ENPP3: variants seen among roughly 807,000 people sequenced by gnomAD.
The protein encoded by ENPP3 is ectonucleotide pyrophosphatase/phosphodiesterase 3.
Under a neutral mutation model 117.8 loss-of-function variants are expected in ENPP3, and 104 were observed. That is an observed-to-expected ratio of 0.88 (90% CI 0.75 to 1.04). ENPP3 has a LOEUF of 1.04. Ranked by LOEUF, ENPP3 falls within the 50% of genes least tolerant of loss-of-function variation. The pLI is 0.00. For missense variants in ENPP3, 1,026 were observed against 1,051.9 expected, an observed-to-expected ratio of 0.98 and a Z score of 0.34; for synonymous variants, 380 against 349.9, an observed-to-expected ratio of 1.09 and a Z score of -0.96.
chr6:131,641,198 T>C (rs1481833098), intron 1 of ENPP3, among the ~76,000 whole-genome samples: 1 of 152,220 alleles, frequency 6.6e-6, no homozygotes, highest in South Asian at 2.1e-4. Context: ...TGCATTTGAA[T>C]GGTAAATGTG....
chr6:131,745,924 C>T (rs1362450759), intron 24 of ENPP3, among the ~76,000 whole-genome samples: 1 of 151,946 alleles, frequency 6.6e-6, no homozygotes, highest in Non-Finnish European at 1.5e-5. Flanking sequence ...TTTAAGACCA[C>T]CCTGGCCAAC....
intron 11 of ENPP3, among the ~76,000 whole-genome samples, chr6:131,681,333 G>T (rs1229750915): frequency 1.3e-5 from 2 of 152,096 alleles, no homozygotes; most frequent in Non-Finnish European, 2.9e-5. Context: ...CACTTTCCAT[G>T]AATATTTGCT....
chr6:131,680,225 T>C (rs1778995429), intron 11 of ENPP3, among the ~76,000 whole-genome samples: 1 of 152,094 alleles, frequency 6.6e-6, no homozygotes, highest in Admixed American at 6.6e-5. Context: ...TGGAAGAAGA[T>C]ATAACTGAGA....
Position 131,678,202 on chromosome 6 carries a change from A to G in ENPP3, c.1011+262A>G, listed in dbSNP as rs1778913056. Among the ~76,000 whole-genome samples, 2 of 152,210 alleles carry G rather than the reference A, an allele frequency of 1.3e-5. 1 individual carries two copies. The highest frequency in any genetic ancestry group is 4.1e-4 in the South Asian group (2 of 4,834). Reference sequence around the variant, plus strand: ...TTGAAAAGCCCTCATTGAATATTAGATGTGGCACTGTTGTTGCATATAATG... The same window carrying G: ...TTGAAAAGCCCTCATTGAATATTAGGTGTGGCACTGTTGTTGCATATAATG... On this transcript the variant is annotated intron_variant, in intron 11 of 24. Transcript: ENST00000357639.
At chr6:131,696,773 T>C (rs1334015718) in intron 15 of ENPP3, among the ~76,000 whole-genome samples, 1 of 150,498 alleles carries the variant, frequency 6.6e-6, no homozygotes, top group Non-Finnish European at 1.5e-5. Flanking sequence ...GAGCACCTTT[T>C]TTTTTTTTTT....
At chr6:131,675,416 C>T (rs1202867893) in intron 9 of ENPP3, 2 of 464,252 alleles carry the variant, frequency 4.3e-6, no homozygotes, top group Non-Finnish European at 7.8e-6. Flanking sequence ...TCTAGCATTA[C>T]CACTCTGGTT....
chr6:131,689,022 C>T lies in ENPP3; in HGVS notation c.1284+3115C>T, dbSNP rs148440287. ...CGGAGGTTGCAGTGAGCTGAGATCACGCCACTGCACTCCAACCTGGGCAAC... is the reference window on the plus strand; with the variant it reads ...CGGAGGTTGCAGTGAGCTGAGATCATGCCACTGCACTCCAACCTGGGCAAC... On this transcript the variant is annotated intron_variant, in intron 14 of 24. Transcript: ENST00000357639. Among the ~76,000 whole-genome samples the T allele has an allele frequency of 3.3e-5, 5 of 151,908 alleles. No homozygotes were observed. The East Asian group carries it at 5.8e-4, about 18-fold the overall frequency.
At chr6:131,683,700 G>T (rs996717317) in intron 12 of ENPP3, among the ~76,000 whole-genome samples, 1 of 150,714 alleles carries the variant, frequency 6.6e-6, no homozygotes, top group Non-Finnish European at 1.5e-5. Flanking sequence ...GCCACCTCAC[G>T]CAAAATGCAT....
At chr6:131,723,328 A>G (rs1280604570) in intron 18 of ENPP3, among the ~76,000 whole-genome samples, 1 of 152,196 alleles carries the variant, frequency 6.6e-6, no homozygotes, top group Non-Finnish European at 1.5e-5. Context: ...CAAACTTCTC[A>G]ATGAAGATCA....
rs1449602095 is a variant in ENPP3 at position 131,637,719 on chromosome 6, CTGATTTTTTGCA to C, written c.78+263_78+274del. 5.9e-5 allele frequency among the ~76,000 whole-genome samples: 9 copies of C among 152,134 alleles called. 1 individual carries two copies. The highest frequency in any genetic ancestry group is 4.1e-4 in the South Asian group (2 of 4,828). ...ATCCATGACAGAACGCTTTGTGGCG[CTGATTTTTTGCA>C]TGATTATAACTACCTCTCAATCACT... On this transcript the variant is annotated intron_variant, in intron 1 of 24. Coordinates refer to ENST00000357639, the MANE Select transcript of ENPP3 (RefSeq NM_005021.5).
chr6:131,743,094 A>G (rs1562485993), intron 24 of ENPP3, among the ~76,000 whole-genome samples: 2 of 152,316 alleles, frequency 1.3e-5, no homozygotes, highest in Non-Finnish European at 2.9e-5. Flanking sequence ...CAAAGTTAAT[A>G]AGAGTAGCTG....
chr6:131,679,001 G>GCTTGCTTC (rs1562446785), intron 11 of ENPP3, among the ~76,000 whole-genome samples: 7 of 40,470 alleles, frequency 1.7e-4, no homozygotes, highest in Non-Finnish European at 2.7e-4. Context: ...TTCCTTCCTT[G>GCTTGCTTC]CTTCCTTCCT....
At chr6:131,685,324 T>C (rs1484783983) in intron 12 of ENPP3, 40 bp from the exon 13 acceptor site, 1 of 1,548,148 alleles carries the variant, frequency 6.5e-7, no homozygotes, top group Non-Finnish European at 8.8e-7. Flanking sequence ...TTGCCATTTA[T>C]ATACATTCAG....
At chr6:131,683,708 C>T (rs1438431023) in intron 12 of ENPP3, among the ~76,000 whole-genome samples, 1 of 150,540 alleles carries the variant, frequency 6.6e-6, no homozygotes, top group East Asian at 2.0e-4. Context: ...ACGCAAAATG[C>T]ATTCAAACAG....
chr6:131,720,523 C>T lies in ENPP3; in HGVS notation c.1567+144C>T, dbSNP rs539758856. 2.4e-5 allele frequency: 12 copies of T among 502,210 alleles called. No individual in the cohort carries two copies. The South Asian group carries it at 4.0e-4, about 17-fold the overall frequency. 31.1% of individuals were successfully genotyped at this position (502,210 alleles called of 1,614,324 possible). A position where few individuals can be genotyped will look rare whatever the true frequency, so the allele number is the denominator to read the frequency against. On this transcript the variant is annotated intron_variant, in intron 17 of 24. Transcript: ENST00000357639. ...GTAAAAAAGATAAGGAAGAATTATTCATTATTCAGAATTATTCAGCTATAA... is the reference window on the plus strand; with the variant it reads ...GTAAAAAAGATAAGGAAGAATTATTTATTATTCAGAATTATTCAGCTATAA...
rs769326235 is a variant in ENPP3, at chr6:131,652,631, A to G, written c.367A>G (p.Lys123Glu). 6.2e-7 allele frequency: 1 copy of G among 1,614,090 alleles called. No individual in the cohort carries two copies. The highest frequency in any genetic ancestry group is 2.2e-5 in the East Asian group (1 of 44,878). The change falls in exon 4 of 25, where the codon AAA becomes GAA. Residue 123 changes from lysine to glutamate, a missense_variant. Lys to Glu is a moderately conservative substitution (Grantham distance 56). Transcript: ENST00000357639. ...TTGTTCAGATGACTGTTTGCAGAGG[A>G]AAGATTGCTGTGCTGACTATAAGAG... is the stretch of plus-strand genomic sequence containing the variant. The part of the protein sequence containing the change: ...CSCSDDCLQR[K>E]DCCADYKSVC...
chr6:131,647,793 A>G (rs1488176652), intron 2 of ENPP3, among the ~76,000 whole-genome samples: 3 of 152,144 alleles, frequency 2.0e-5, no homozygotes, highest in Non-Finnish European at 2.9e-5. Flanking sequence ...TAGACTTTTC[A>G]AAGTATTATT....
rs145289654 is a variant in ENPP3 at position 131,700,582 on chromosome 6, G to A, written c.1412+6958G>A. 1.9e-3 allele frequency: 2,758 copies of A among 1,487,516 alleles called. 747 individuals carry two copies. In the African/African-American group the frequency reaches 0.054, roughly 29 times the overall value. 92.1% of individuals were successfully genotyped at this position (1,487,516 alleles called of 1,614,324 possible). On this transcript the variant is annotated intron_variant, in intron 15 of 24. Coordinates refer to ENST00000357639, the MANE Select transcript of ENPP3 (RefSeq NM_005021.5). Reference sequence around the variant, plus strand: ...GGATTAAAGAGGCTGTGAAACAGCAGGAGATATTTCTTCTGCTCCTTGGGG... The same window carrying A: ...GGATTAAAGAGGCTGTGAAACAGCAAGAGATATTTCTTCTGCTCCTTGGGG...
chr6:131,677,813 GC>G, intron 10 of ENPP3, 54 bp from the exon 11 acceptor site: 2 of 1,159,410 alleles, frequency 1.7e-6, no homozygotes, highest in South Asian at 1.3e-5. Flanking sequence ...CCCCAATCCA[GC>G]CTGTATGTTT....
Sources: allele counts gnomAD v4.1 joint callset (sites outside exome capture counted in the v4.1 genomes callset), GRCh38; gene constraint gnomAD v4.1.1; transcripts MANE v1.5; gene names NCBI Gene and HGNC (gene_info 2026-07-23, HGNC 2026-07-21).